THSD4: variants seen among roughly 807,000 people sequenced by gnomAD.
THSD4 encodes thrombospondin type 1 domain containing 4.
THSD4 carries 69 observed loss-of-function variants against 119.0 expected under a neutral mutation model. That is an observed-to-expected ratio of 0.58 (90% CI 0.48 to 0.71). The LOEUF is 0.71. Ranked by LOEUF, THSD4 falls within the 30% of genes least tolerant of loss-of-function variation. The probability of loss-of-function intolerance (pLI) is 0.00; values close to 1 mark genes in which losing one functional copy is unlikely to be tolerated. For missense variants in THSD4, 1,393 were observed against 1,391.1 expected (o/e 1.00, Z -0.02); for synonymous variants, 524 against 540.4 (o/e 0.97, Z 0.42).
chr15:71,110,274 T>C (rs1293692458), intron 1 of THSD4: 1 of 152,230 alleles, frequency 6.6e-6, no homozygotes, highest in Non-Finnish European at 1.5e-5. Flanking sequence ...TGCTTAAGTT[T>C]GCATTTATTT....
At chr15:71,365,131 T>TTTTGTGTGTGTGTG (rs147188266) in intron 6 of THSD4, among the ~76,000 whole-genome samples, 20 of 135,910 alleles carry the variant, frequency 1.5e-4, no homozygotes, top group Non-Finnish European at 2.2e-4. Flanking sequence ...GCCCCCCCCA[T>TTTTGTGTGTGTGTG]TGTGTGTGTG....
intron 3 of THSD4, among the ~76,000 whole-genome samples, chr15:71,169,261 C>A (rs1248382012): frequency 1.3e-5 from 2 of 152,124 alleles, no homozygotes; most frequent in Non-Finnish European, 2.9e-5. Flanking sequence ...ACCAGAATGG[C>A]TAAAATAAAA....
intron 8 of THSD4, among the ~76,000 whole-genome samples, chr15:71,676,440 C>G (rs569208800): frequency 1.3e-5 from 2 of 152,168 alleles, no homozygotes; most frequent in East Asian, 3.9e-4. Context: ...CACCACCATG[C>G]CTGGCTAATT....
intron 6 of THSD4, among the ~76,000 whole-genome samples, chr15:71,381,549 A>G (rs947533943): frequency 6.6e-6 from 1 of 152,234 alleles, no homozygotes; most frequent in African/African-American, 2.4e-5. Context: ...AGAAACCTGT[A>G]CTTGTCAGAG....
At chr15:71,454,287 T>C (rs1156942701) in intron 7 of THSD4, among the ~76,000 whole-genome samples, 1 of 152,172 alleles carries the variant, frequency 6.6e-6, no homozygotes, top group Non-Finnish European at 1.5e-5. Flanking sequence ...GAAACCCCAC[T>C]CTTTCCTCTC....
Position 71,777,331 on chromosome 15 carries a change from C to T in THSD4, c.3014C>T (p.Thr1005Ile). ...YYKTACCASC[T>I]RVANRQTGFL... ...AAGACCGCCTGCTGTGCCTCCTGCA[C>T]CCGTGTGGCCAACAGGCAGACGGGC... Residue 1005 changes from threonine (T) to isoleucine (I), a missense_variant, in exon 18 of 18, where the codon ACC (threonine) becomes ATC (isoleucine). Physicochemically the swap from Thr to Ile is moderately conservative, Grantham distance 89. Coordinates refer to ENST00000261862, the MANE Select transcript of THSD4 (RefSeq NM_024817.3). 2 of 1,614,218 alleles carry T rather than the reference C, an allele frequency of 1.2e-6. No homozygotes were observed. The highest frequency in any genetic ancestry group is 1.1e-5 in the South Asian group (1 of 91,092).
chr15:71,280,183 G>A (rs998494832), intron 6 of THSD4, among the ~76,000 whole-genome samples: 1 of 152,168 alleles, frequency 6.6e-6, no homozygotes, highest in Non-Finnish European at 1.5e-5. Context: ...AAATACAGGT[G>A]TTAGGAAACA....
intron 7 of THSD4, among the ~76,000 whole-genome samples, chr15:71,416,159 T>A (rs2046757408): frequency 6.6e-6 from 1 of 152,234 alleles, no homozygotes; most frequent in South Asian, 2.1e-4. Context: ...GTTCCATCTA[T>A]GCTGTTGCAA....
chr15:71,643,110 G>A (rs1193542190), intron 7 of THSD4, among the ~76,000 whole-genome samples: 2 of 151,928 alleles, frequency 1.3e-5, no homozygotes, highest in Non-Finnish European at 2.9e-5. Flanking sequence ...TGGGGTACTG[G>A]GAGGAGTCAG....
At chr15:71,208,869 G>A (rs1444329992) in intron 3 of THSD4, among the ~76,000 whole-genome samples, 1 of 152,110 alleles carries the variant, frequency 6.6e-6, no homozygotes, top group Non-Finnish European at 1.5e-5. Context: ...ACTATTTAGA[G>A]AGGCACCATA....
At chr15:71,160,808 T>C (rs562762612) in intron 3 of THSD4, among the ~76,000 whole-genome samples, 1 of 151,942 alleles carries the variant, frequency 6.6e-6, no homozygotes, top group African/African-American at 2.4e-5. Context: ...TCATTTCTGC[T>C]CTGAGCTTTA....
intron 7 of THSD4, among the ~76,000 whole-genome samples, chr15:71,568,568 C>CTTTTTTTTTTTTTTTTTTTTT (rs61430926): frequency 7.3e-6 from 1 of 137,872 alleles, no homozygotes. Context: ...CTCTTTTTCT[C>CTTTTTTTTTTTTTTTTTTTTT]TTTTTTTTTT....
intron 6 of THSD4, among the ~76,000 whole-genome samples, chr15:71,400,632 C>T (rs544488407): frequency 6.6e-6 from 1 of 152,292 alleles, no homozygotes; most frequent in East Asian, 1.9e-4. Flanking sequence ...CAAACTGGTC[C>T]ATTGCTTTGC....
chr15:71,364,120 G>C (rs1399140917), intron 6 of THSD4, among the ~76,000 whole-genome samples: 1 of 152,180 alleles, frequency 6.6e-6, no homozygotes, highest in East Asian at 1.9e-4. Context: ...AAGTAACCTA[G>C]TTGAGGGCTG....
intron 7 of THSD4, among the ~76,000 whole-genome samples, chr15:71,461,409 T>C (rs1047601772): frequency 5.3e-5 from 8 of 152,152 alleles, no homozygotes; most frequent in African/African-American, 1.4e-4. Context: ...GGTTACAAGG[T>C]CAGTGTTATT....
At chr15:71,643,077 A>G (rs1414303231) in intron 7 of THSD4, among the ~76,000 whole-genome samples, 1 of 152,176 alleles carries the variant, frequency 6.6e-6, no homozygotes. Flanking sequence ...TCTAAAATTG[A>G]AATAATAGTA....
At chr15:71,319,402 C>G (rs908357999) in intron 6 of THSD4, among the ~76,000 whole-genome samples, 2 of 139,770 alleles carry the variant, frequency 1.4e-5, no homozygotes, top group African/African-American at 5.4e-5. Flanking sequence ...TCCCCCTTCC[C>G]CCCACCCCAC....
At chr15:71,669,553 T>C (rs1323902725) in intron 8 of THSD4, among the ~76,000 whole-genome samples, 2 of 152,208 alleles carry the variant, frequency 1.3e-5, no homozygotes, top group Non-Finnish European at 2.9e-5. Flanking sequence ...AAAATAAGGA[T>C]TTTTCTTTCT....
In THSD4 at chr15:71,512,976, G is replaced by A. The variant is rs146350134; in HGVS notation, c.1152+101153G>A. The stretch of plus-strand genomic sequence containing the variant: ...CTTGGTGCAGGAAGCTCAAAACCCA[G>A]TGTTTTACGAATAAGGAAATCAACA... On this transcript the variant is annotated intron_variant, in intron 7 of 17. Coordinates refer to ENST00000261862, the MANE Select transcript of THSD4 (RefSeq NM_024817.3). Among the ~76,000 whole-genome samples the A allele has an allele frequency of 3.3e-4, 51 of 152,278 alleles. 1 individual carries two copies. Among genetic ancestry groups the A allele is most frequent in the African/African-American group, 1.2e-3 (50 of 41,564 alleles).
Sources: gnomAD v4.1 joint callset for allele counts (sites outside exome capture counted in the v4.1 genomes callset) on GRCh38, gnomAD v4.1.1 for gene constraint, MANE v1.5 for transcripts, NCBI Gene and HGNC (gene_info 2026-07-23, HGNC 2026-07-21) for gene names.